ELP4: variants seen among roughly 807,000 people sequenced by gnomAD.
ELP4 encodes the protein elongator complex protein 4.
A neutral mutation model predicts 48.9 loss-of-function variants in ELP4; 51 were observed. That is an observed-to-expected ratio of 1.04 (90% CI 0.83 to 1.32). The LOEUF is 1.32. Among genes scored for constraint, ELP4 ranks in the 40% most tolerant of loss-of-function variants. ELP4 has a pLI of 0.00. For synonymous variants in ELP4, 210 were observed against 189.2 expected (o/e 1.11, Z -0.90); for missense variants, 519 against 514.6 (o/e 1.01, Z -0.08).
chr11:31,723,332 A>ACCCCCGC (rs1947007480), intron 9 of ELP4, among the ~76,000 whole-genome samples: 1 of 149,878 alleles, frequency 6.7e-6, no homozygotes. Flanking sequence ...AACCAACACC[A>ACCCCCGC]CCCCCGCCCC....
intron 2 of ELP4, among the ~76,000 whole-genome samples, chr11:31,536,622 G>T (rs951901561): frequency 3.9e-5 from 6 of 152,140 alleles, no homozygotes; most frequent in Non-Finnish European, 8.8e-5. Flanking sequence ...AAAGCATGGG[G>T]ATTACAGACA....
At chr11:31,664,132 A>G in intron 9 of ELP4, 1 of 152,094 alleles carries the variant, frequency 6.6e-6, no homozygotes, top group Non-Finnish European at 1.5e-5. Context: ...TCTGTTTAAT[A>G]TATTGTTCTG....
At chr11:31,518,895 CA>C (rs34767268) in intron 1 of ELP4, among the ~76,000 whole-genome samples, 5,317 of 66,996 alleles carry the variant, frequency 0.079, 98 homozygotes, top group Admixed American at 0.12. Context: ...GACTCTGTCT[CA>C]AAAAAAAAAA....
chr11:31,670,447 C>T (rs1018747807), intron 9 of ELP4, among the ~76,000 whole-genome samples: 1 of 152,010 alleles, frequency 6.6e-6, no homozygotes, highest in Non-Finnish European at 1.5e-5. Flanking sequence ...ATTCAGTTTG[C>T]GAAGTGTTGT....
chr11:31,703,526 C>G (rs1344032412), intron 9 of ELP4, among the ~76,000 whole-genome samples: 1 of 152,114 alleles, frequency 6.6e-6, no homozygotes, highest in Non-Finnish European at 1.5e-5. Context: ...CTAATTTGCT[C>G]TTATTGTCAC....
chr11:31,764,047 C>G (rs935608739), intron 9 of ELP4, among the ~76,000 whole-genome samples: 7 of 152,032 alleles, frequency 4.6e-5, no homozygotes, highest in Non-Finnish European at 1.0e-4. Context: ...ATATCTCTTT[C>G]AAGGAATCCC....
At chr11:31,564,186 T>C (rs1957067212) in intron 3 of ELP4, among the ~76,000 whole-genome samples, 1 of 152,156 alleles carries the variant, frequency 6.6e-6, no homozygotes, top group African/African-American at 2.4e-5. Context: ...CAAACTTACA[T>C]TATAAATTTC....
intron 6 of ELP4, among the ~76,000 whole-genome samples, chr11:31,629,582 T>C (rs1944815705): frequency 6.6e-6 from 1 of 152,000 alleles, no homozygotes; most frequent in African/African-American, 2.4e-5. Context: ...CCTCTGTAGT[T>C]CTCCTAATTT....
intron 9 of ELP4, chr11:31,662,611 A>G: frequency 2.5e-6 from 1 of 397,976 alleles, no homozygotes; most frequent in Non-Finnish European, 4.4e-6. Context: ...TCTATAAAGA[A>G]GAACCCCTAC....
intron 7 of ELP4, chr11:31,646,836 G>A (rs567161465): frequency 2.7e-5 from 4 of 150,782 alleles, no homozygotes; most frequent in Middle Eastern, 6.8e-3. Context: ...CACCCTGTCA[G>A]GGGCTAAAAG....
At chr11:31,623,356 T>TAC (rs2134030685) in intron 5 of ELP4, among the ~76,000 whole-genome samples, 1 of 25,826 alleles carries the variant, frequency 3.9e-5, no homozygotes, top group Admixed American at 4.0e-4. Flanking sequence ...TTTCAGCAAA[T>TAC]ATATATATAT....
intron 3 of ELP4, among the ~76,000 whole-genome samples, chr11:31,541,199 T>C (rs777056329): frequency 6.6e-6 from 1 of 152,230 alleles, no homozygotes; most frequent in Non-Finnish European, 1.5e-5. Flanking sequence ...AAAGTCACTA[T>C]AATGCTGAGG....
At chr11:31,631,109 T>C (rs1944851865) in intron 6 of ELP4, among the ~76,000 whole-genome samples, 1 of 152,178 alleles carries the variant, frequency 6.6e-6, no homozygotes, top group Non-Finnish European at 1.5e-5. Flanking sequence ...ATTTCAGTGT[T>C]GTATTCATTT....
At chr11:31,752,269 C>G (rs1286737266) in intron 9 of ELP4, among the ~76,000 whole-genome samples, 1 of 140,130 alleles carries the variant, frequency 7.1e-6, no homozygotes, top group Admixed American at 7.1e-5. Flanking sequence ...AGCACTTGTT[C>G]TTAGTAATTT....
At chr11:31,614,561 C>G (rs1958040786) in intron 5 of ELP4, among the ~76,000 whole-genome samples, 1 of 151,952 alleles carries the variant, frequency 6.6e-6, no homozygotes, top group African/African-American at 2.4e-5. Context: ...CAGAAAGTAC[C>G]ATCCCACAAA....
At chr11:31,582,485 C>G (rs958176747) in intron 3 of ELP4, among the ~76,000 whole-genome samples, 7 of 152,096 alleles carry the variant, frequency 4.6e-5, no homozygotes, top group Non-Finnish European at 8.8e-5. Flanking sequence ...AATTATTATT[C>G]TCTTATTTTT....
At chr11:31,668,721 T>TGTGTGTGTGTGTGTGA (rs1565103640) in intron 9 of ELP4, among the ~76,000 whole-genome samples, 1 of 92,596 alleles carries the variant, frequency 1.1e-5, no homozygotes, top group Non-Finnish European at 2.1e-5. Context: ...TGTGTGTGTG[T>TGTGTGTGTGTGTGTGA]AAGAACCCTG....
rs71060492 is a variant in ELP4, at chr11:31,533,368, C to CTTTTTTTTTTTTTTTTTTTTTT, written c.260-6288_260-6267dup. Among the ~76,000 whole-genome samples, 105 of 50,476 alleles carry CTTTTTTTTTTTTTTTTTTTTTT rather than the reference C, an allele frequency of 2.1e-3. 26 individuals carry two copies. The highest frequency in any genetic ancestry group is 2.9e-3 in the East Asian group (4 of 1,382). 33.1% of individuals were successfully genotyped at this position (50,476 alleles called of 152,430 possible). A position where few individuals can be genotyped will look rare whatever the true frequency, so the allele number is the denominator to read the frequency against. ...GTGTTGCTGCAAAAGCCATCTCATT[C>CTTTTTTTTTTTTTTTTTTTTTT]TTTTTTTTTTTTTTTTTTTTTTTTT... is the stretch of plus-strand genomic sequence containing the variant. On this transcript the variant is annotated intron_variant, in intron 2 of 9. Coordinates refer to ENST00000640961, the MANE Select transcript of ELP4 (RefSeq NM_019040.5).
chr11:31,780,364 G>C (rs1014307051), intron 9 of ELP4, among the ~76,000 whole-genome samples: 4 of 152,100 alleles, frequency 2.6e-5, no homozygotes, highest in African/African-American at 9.7e-5. Context: ...GGCTCAGAAA[G>C]AAAGAAAACA....
Sources: allele counts gnomAD v4.1 joint callset (sites outside exome capture counted in the v4.1 genomes callset), GRCh38; gene constraint gnomAD v4.1.1; transcripts MANE v1.5; gene names NCBI Gene and HGNC (gene_info 2026-07-23, HGNC 2026-07-21).